Variants in UMAD1 observed in about 807,000 individuals in gnomAD.
The protein encoded by UMAD1 is UBAP1-MVB12-associated (UMA)-domain containing protein 1.
UMAD1 carries 8 observed loss-of-function variants against 6.1 expected under a neutral mutation model. That is an observed-to-expected ratio of 1.30 (90% CI 0.76 to 2.35). UMAD1 has a LOEUF of 2.35. UMAD1 is among the 30% of genes most tolerant of loss of function. UMAD1 has a pLI of 0.00. For synonymous variants in UMAD1, 56 were observed against 31.4 expected (o/e 1.78, Z -2.61); for missense variants, 130 against 78.4 (o/e 1.66, Z -2.49).
Position 7,742,419 on chromosome 7 carries a change from G to C in UMAD1, c.83-59251G>C, listed in dbSNP as rs757068790. Reference sequence around the variant, plus strand: ...AGTGTCTTGGGCTGCTGGAAGGTGGGTGACGGGCAGATCTTTCTTTTTTTC... The same window carrying C: ...AGTGTCTTGGGCTGCTGGAAGGTGGCTGACGGGCAGATCTTTCTTTTTTTC... On this transcript the variant is annotated intron_variant, in intron 2 of 3. Coordinates refer to ENST00000682710, the MANE Select transcript of UMAD1 (RefSeq NM_001302348.2). 9 of 577,384 alleles carry C rather than the reference G, an allele frequency of 1.6e-5. No individual in the cohort carries two copies. In the Middle Eastern group the frequency reaches 2.4e-3, roughly 157 times the overall value. The allele number at this position is 577,384 out of a possible 1,614,324, so 35.8% of individuals were successfully genotyped here.
chr7:7,853,146 C>G (rs1230680658), intron 3 of UMAD1, among the ~76,000 whole-genome samples: 4 of 152,172 alleles, frequency 2.6e-5, no homozygotes, highest in African/African-American at 7.2e-5. Flanking sequence ...ATATGTATAT[C>G]ATAATATCAC....
At chr7:7,784,641 G>A (rs569481203) in intron 2 of UMAD1, among the ~76,000 whole-genome samples, 3 of 151,898 alleles carry the variant, frequency 2.0e-5, no homozygotes, top group South Asian at 4.2e-4. Flanking sequence ...CACCGTGCCC[G>A]GCCTACTTAA....
intron 3 of UMAD1, among the ~76,000 whole-genome samples, chr7:7,816,221 T>C (rs1783123148): frequency 6.6e-6 from 1 of 152,192 alleles, no homozygotes; most frequent in Non-Finnish European, 1.5e-5. Flanking sequence ...GGAACCGGAA[T>C]TGAGACTTGC....
chr7:7,711,005 T>C (rs1563144421), intron 2 of UMAD1, among the ~76,000 whole-genome samples: 3 of 152,070 alleles, frequency 2.0e-5, no homozygotes, highest in African/African-American at 7.2e-5. Context: ...ACACAAAAAA[T>C]AGAGAAATCA....
At chr7:7,748,582 T>A (rs866400226) in intron 2 of UMAD1, among the ~76,000 whole-genome samples, 2 of 152,162 alleles carry the variant, frequency 1.3e-5, no homozygotes, top group Middle Eastern at 3.4e-3. Flanking sequence ...TACAGCAAGG[T>A]TATCAACATT....
chr7:7,715,153 C>T (rs886116440), intron 2 of UMAD1: 2 of 152,068 alleles, frequency 1.3e-5, no homozygotes, highest in Non-Finnish European at 1.5e-5. Context: ...AGCATAGAAA[C>T]AGTTAAAGAA....
In UMAD1 at chr7:7,738,999, GA is replaced by G. The variant is rs571618953; in HGVS notation, c.83-62670del. 186 of 152,250 alleles carry G rather than the reference GA, an allele frequency of 1.2e-3. 1 individual carries two copies. The highest frequency in any genetic ancestry group is 4.1e-3 in the African/African-American group (170 of 41,530). The allele number at this position is 152,250 out of a possible 1,614,324, so 9.4% of individuals were successfully genotyped here. A position where few individuals can be genotyped will look rare whatever the true frequency, so the allele number is the denominator to read the frequency against. On this transcript the variant is annotated intron_variant, in intron 2 of 3. Coordinates refer to ENST00000682710, the MANE Select transcript of UMAD1 (RefSeq NM_001302348.2). ...TTGTTTGGATTCTTGAAAGAACAGG[GA>G]GAAATTTCAGGAAAAAGGATGAGAA...
chr7:7,656,104 A>T (rs1265602896), intron 1 of UMAD1, among the ~76,000 whole-genome samples: 4 of 151,926 alleles, frequency 2.6e-5, no homozygotes, highest in Non-Finnish European at 5.9e-5. Flanking sequence ...CAAAGTACTG[A>T]GATTACAGGC....
At chr7:7,675,119 C>T (rs1012812282) in intron 2 of UMAD1, among the ~76,000 whole-genome samples, 1 of 151,684 alleles carries the variant, frequency 6.6e-6, no homozygotes, top group Non-Finnish European at 1.5e-5. Flanking sequence ...CCTGCCTCGG[C>T]CCCCCAAAGT....
chr7:7,814,069 C>T (rs531212195), intron 3 of UMAD1, among the ~76,000 whole-genome samples: 3 of 152,108 alleles, frequency 2.0e-5, no homozygotes, highest in Middle Eastern at 3.4e-3. Context: ...CTGCAACTTC[C>T]GCCTCCCAGG....
intron 3 of UMAD1, among the ~76,000 whole-genome samples, chr7:7,860,604 C>CAAAAAAAACAAAAAAA (rs1784096778): frequency 1.1e-5 from 1 of 93,860 alleles, no homozygotes; most frequent in Non-Finnish European, 2.1e-5. Context: ...ACTAAAAATA[C>CAAAAAAAACAAAAAAA]AAAAAAAAAA....
intron 2 of UMAD1, among the ~76,000 whole-genome samples, chr7:7,735,331 T>C (rs1268242177): frequency 6.6e-6 from 1 of 152,120 alleles, no homozygotes; most frequent in Non-Finnish European, 1.5e-5. Context: ...TAAAGACTTC[T>C]GCAGACTTTT....
chr7:7,676,005 GA>G, intron 2 of UMAD1: 1 of 395,998 alleles, frequency 2.5e-6, no homozygotes, highest in East Asian at 3.6e-5. Context: ...TTACTCTCCT[GA>G]AGTTTTGATG....
intron 3 of UMAD1, among the ~76,000 whole-genome samples, chr7:7,802,162 G>A (rs1158315825): frequency 2.0e-5 from 3 of 152,140 alleles, no homozygotes; most frequent in Admixed American, 6.5e-5. Context: ...GGTAGATCAC[G>A]AGGTCAAGAG....
chr7:7,703,951 GAA>G (rs1156465235), intron 2 of UMAD1, among the ~76,000 whole-genome samples: 1 of 151,750 alleles, frequency 6.6e-6, no homozygotes, highest in Non-Finnish European at 1.5e-5. Context: ...ACAAAGGAAA[GAA>G]AGAAGGAAGG....
At chr7:7,784,920 G>A (rs1010424412) in intron 2 of UMAD1, among the ~76,000 whole-genome samples, 1 of 151,814 alleles carries the variant, frequency 6.6e-6, no homozygotes. Flanking sequence ...CCGCCACCTC[G>A]CCCGGCTAAT....
intron 3 of UMAD1, among the ~76,000 whole-genome samples, chr7:7,860,604 C>CAAAAAAAAAAAAAA (rs373823869): frequency 1.2e-4 from 11 of 93,858 alleles, no homozygotes; most frequent in Non-Finnish European, 1.4e-4. Flanking sequence ...ACTAAAAATA[C>CAAAAAAAAAAAAAA]AAAAAAAAAA....
intron 1 of UMAD1, among the ~76,000 whole-genome samples, chr7:7,662,329 T>C (rs1451656340): frequency 1.3e-5 from 2 of 152,112 alleles, no homozygotes; most frequent in Non-Finnish European, 2.9e-5. Context: ...GGTTCTGTTT[T>C]GCTGGCGTTC....
chr7:7,744,039 A>G (rs1781522304), intron 2 of UMAD1, among the ~76,000 whole-genome samples: 1 of 152,146 alleles, frequency 6.6e-6, no homozygotes, highest in Non-Finnish European at 1.5e-5. Flanking sequence ...TCATCACCCC[A>G]AAAGAAACCT....
Sources: gnomAD v4.1 joint callset for allele counts (sites outside exome capture counted in the v4.1 genomes callset) on GRCh38, gnomAD v4.1.1 for gene constraint, MANE v1.5 for transcripts, NCBI Gene and HGNC (gene_info 2026-07-23, HGNC 2026-07-21) for gene names.